Variants in SMCO2 observed in about 807,000 individuals in gnomAD.
SMCO2 encodes single-pass membrane protein with coiled-coil domains 2, also known as single-pass membrane and coiled-coil domain-containing protein 2.
In SMCO2, 25 loss-of-function variants were observed where a neutral mutation model predicts 29.5. That is an observed-to-expected ratio of 0.85 (90% CI 0.62 to 1.18). The LOEUF (loss-of-function observed/expected upper bound fraction) is 1.18. SMCO2 is among the 50% of genes most tolerant of loss of function. The pLI, the probability that SMCO2 is intolerant of heterozygous loss-of-function variation, is 0.00. For missense variants in SMCO2, 348 were observed against 344.5 expected (o/e 1.01, Z -0.08); for synonymous variants, 117 against 123.3 (o/e 0.95, Z 0.34).
At chr12:27,461,728 T>G in the SMCO2 span, among the ~76,000 whole-genome samples, 27 of 152,384 alleles carry the variant, frequency 1.8e-4, no homozygotes, top group Non-Finnish European at 3.4e-4. Context: ...ACAAACTTTC[T>G]TTTCCTCAAC....
At chr12:27,499,095 A>G in intron 7 of SMCO2, among the ~76,000 whole-genome samples, 1 of 150,804 alleles carries the variant, frequency 6.6e-6, no homozygotes, top group East Asian at 1.9e-4. Flanking sequence ...TTGGGTATAT[A>G]CTCAAAAGAA....
intron 4 of SMCO2, among the ~76,000 whole-genome samples, chr12:27,485,928 C>T (rs1474000488): frequency 6.6e-6 from 1 of 152,002 alleles, no homozygotes; most frequent in Non-Finnish European, 1.5e-5. Flanking sequence ...GTGGTCTGAC[C>T]CTTTTGAGGA....
Position 27,474,784 on chromosome 12 carries a change from A to G in SMCO2, c.235-2A>G, listed in dbSNP as rs1374452846. ...CTTTGCTTCCATCATCATCTTTACC[A>G]GGGTATGTTGGAGCTAGAGGCTGAG... On this transcript the variant is annotated splice_acceptor_variant, in intron 3 of 7. Transcript: ENST00000298876. LOFTEE classifies it high-confidence loss of function. 2 of 1,551,546 alleles carry G rather than the reference A, an allele frequency of 1.3e-6. No homozygotes were observed. The highest frequency in any genetic ancestry group is 4.9e-5 in the East Asian group (2 of 40,920).
At chr12:27,464,980 G>A (rs113904429), upstream of SMCO2, among the ~76,000 whole-genome samples, 4,077 of 131,472 alleles carry the variant, frequency 0.031, 117 homozygotes, top group Non-Finnish European at 0.045. Context: ...AGTGAGCCGA[G>A]ATCGTACCAC....
the SMCO2 span, among the ~76,000 whole-genome samples, chr12:27,446,805 A>G: frequency 1.3e-5 from 2 of 151,588 alleles, no homozygotes; most frequent in Non-Finnish European, 2.9e-5. Flanking sequence ...TGCTGGGCCC[A>G]CTCCCGGAGT....
At chr12:27,447,546 C>G in the SMCO2 span, among the ~76,000 whole-genome samples, 2 of 151,898 alleles carry the variant, frequency 1.3e-5, no homozygotes, top group Admixed American at 1.3e-4. Context: ...TCGCTTCAGC[C>G]CAGGAGCCTG....
upstream of SMCO2, among the ~76,000 whole-genome samples, chr12:27,461,863 C>A (rs1037870152): frequency 6.6e-6 from 1 of 152,214 alleles, no homozygotes; most frequent in African/African-American, 2.4e-5. Flanking sequence ...CTGTGTGAAG[C>A]TCTTGGAAAG....
the SMCO2 span, among the ~76,000 whole-genome samples, chr12:27,449,104 A>C: frequency 6.6e-6 from 1 of 152,250 alleles, no homozygotes; most frequent in South Asian, 2.1e-4. Context: ...ACCTGATTAT[A>C]TGCTCCTAAG....
the SMCO2 span, among the ~76,000 whole-genome samples, chr12:27,448,460 C>T: frequency 0.029 from 4,361 of 152,214 alleles, 96 homozygotes; most frequent in Non-Finnish European, 0.046. Flanking sequence ...TTCTATTTTC[C>T]CCCAACTGCA....
At chr12:27,428,890 G>T in the SMCO2 span, among the ~76,000 whole-genome samples, 1 of 139,246 alleles carries the variant, frequency 7.2e-6, no homozygotes, top group African/African-American at 2.7e-5. Flanking sequence ...AAACTTACTA[G>T]AGCCCTTGAA....
At position 27,472,647 on chromosome 12, in the gene SMCO2, C is replaced by T. The variant is rs894190800; in HGVS notation, c.135-129C>T. On this transcript the variant is annotated intron_variant, in intron 2 of 7. Coordinates refer to ENST00000298876, the Ensembl canonical transcript of SMCO2. ...TTATTCACCCAGAAAGAACTCAGTA[C>T]AAGGATAGCAGATGCTCCCTGGGAC... The T allele has an allele frequency of 3.0e-5, 18 of 593,178 alleles. No individual in the cohort carries two copies. The African/African-American group carries it at 3.2e-4, about 10-fold the overall frequency. 36.7% of individuals were successfully genotyped at this position (593,178 alleles called of 1,614,324 possible). A position where few individuals can be genotyped will look rare whatever the true frequency, so the allele number is the denominator to read the frequency against.
Position 27,480,708 on chromosome 12 carries a change from C to G in SMCO2, c.362+5795C>G, listed in dbSNP as rs430947. ...AAAAGAATGTGGCACCTCTCCCCCC[C>G]CTCTCTCTCTCTTGCTCCTGCTCTC... is the stretch of plus-strand genomic sequence containing the variant. On this transcript the variant is annotated intron_variant, in intron 4 of 7. Transcript: ENST00000298876. Among the ~76,000 whole-genome samples, 19 of 150,980 alleles carry G rather than the reference C, an allele frequency of 1.3e-4. No individual in the cohort carries two copies. The South Asian group carries it at 2.1e-3, about 17-fold the overall frequency.
chr12:27,444,995 G>A, the SMCO2 span, among the ~76,000 whole-genome samples: 1 of 152,302 alleles, frequency 6.6e-6, no homozygotes, highest in East Asian at 1.9e-4. Context: ...ACACAGTGGA[G>A]TATTATTAAG....
intron 4 of SMCO2, among the ~76,000 whole-genome samples, chr12:27,481,958 G>A (rs2135558622): frequency 6.7e-6 from 1 of 149,212 alleles, no homozygotes; most frequent in Middle Eastern, 3.5e-3. Context: ...GATTTCATTG[G>A]GTTTTTTGCT....
At chr12:27,488,956 G>T (rs554366777) in intron 5 of SMCO2, among the ~76,000 whole-genome samples, 2 of 152,164 alleles carry the variant, frequency 1.3e-5, no homozygotes, top group African/African-American at 2.4e-5. Flanking sequence ...AAGAGTTCTT[G>T]TGTTGGTTTT....
chr12:27,474,773 T>C lies in SMCO2; in HGVS notation c.235-13T>C. On this transcript the variant is annotated splice_polypyrimidine_tract_variant and intron_variant, in intron 3 of 7. Coordinates refer to ENST00000298876, the Ensembl canonical transcript of SMCO2. ...CTTTTGTTCTGCTTTGCTTCCATCATCATCTTTACCAGGGTATGTTGGAGC... is the reference window on the plus strand; with the variant it reads ...CTTTTGTTCTGCTTTGCTTCCATCACCATCTTTACCAGGGTATGTTGGAGC... 6.4e-7 allele frequency: 1 copy of C among 1,551,366 alleles called. No individual in the cohort carries two copies. Among genetic ancestry groups the C allele is most frequent in the Non-Finnish European group, 8.7e-7 (1 of 1,146,598 alleles).
intron 4 of SMCO2, among the ~76,000 whole-genome samples, chr12:27,477,209 GGT>G (rs1491190245): frequency 9.2e-4 from 123 of 134,044 alleles, no homozygotes; most frequent in African/African-American, 3.1e-3. Context: ...TTGGCTGTCA[GGT>G]TTTTTTTTTT....
intron 7 of SMCO2, chr12:27,498,598 CT>C: frequency 4.6e-6 from 1 of 218,128 alleles, no homozygotes. Flanking sequence ...TGTAATCCTG[CT>C]TAGGTTTGAA....
chr12:27,492,344 G>A lies in SMCO2; in HGVS notation c.451-1956G>A, dbSNP rs754885434. Among the ~76,000 whole-genome samples, 14 of 151,928 alleles carry A rather than the reference G, an allele frequency of 9.2e-5. No individual in the cohort carries two copies. In the East Asian group the frequency reaches 1.9e-3, roughly 21 times the overall value. On this transcript the variant is annotated intron_variant, in intron 5 of 7. Transcript: ENST00000298876. Reference sequence around the variant, plus strand: ...TGGTACTTTATAATCAATGTTTGCCGTTACAAACTATGCCTCAAAAATCCA... The same window carrying A: ...TGGTACTTTATAATCAATGTTTGCCATTACAAACTATGCCTCAAAAATCCA...
Sources: allele counts gnomAD v4.1 joint callset (sites outside exome capture counted in the v4.1 genomes callset), GRCh38; gene constraint gnomAD v4.1.1; transcripts MANE v1.5; gene names NCBI Gene and HGNC (gene_info 2026-07-23, HGNC 2026-07-21).